XKR9: variants seen among roughly 807,000 people sequenced by gnomAD.
XKR9 encodes the protein XK related 9.
In XKR9, 32 loss-of-function variants were observed where a neutral mutation model predicts 32.0. The ratio of observed to expected loss-of-function variants is 1.00; its 90% CI spans 0.76 to 1.34. XKR9 has a LOEUF of 1.34. XKR9 is among the 40% of genes most tolerant of loss of function. XKR9 has a pLI of 0.00. For synonymous variants in XKR9, 168 were observed against 143.4 expected, an observed-to-expected ratio of 1.17 and a Z score of -1.22; for missense variants, 546 against 429.7, an observed-to-expected ratio of 1.27 and a Z score of -2.39.
At chr8:70,821,785 C>G in the XKR9 span, among the ~76,000 whole-genome samples, 1 of 152,232 alleles carries the variant, frequency 6.6e-6, no homozygotes, top group Non-Finnish European at 1.5e-5. Context: ...CTCGAGACTG[C>G]CCAAAACAGC....
At chr8:70,880,465 T>C in the XKR9 span, among the ~76,000 whole-genome samples, 5 of 152,192 alleles carry the variant, frequency 3.3e-5, no homozygotes, top group East Asian at 5.8e-4. Context: ...ACAAGCATTC[T>C]TATACACCAT....
At chr8:70,721,442 G>A (rs755690361) in intron 4 of XKR9, among the ~76,000 whole-genome samples, 3 of 152,144 alleles carry the variant, frequency 2.0e-5, no homozygotes, top group Non-Finnish European at 4.4e-5. Flanking sequence ...AGCATTTAGT[G>A]CTATCAATTT....
At chr8:70,824,774 G>C in the XKR9 span, among the ~76,000 whole-genome samples, 1 of 152,020 alleles carries the variant, frequency 6.6e-6, no homozygotes, top group Non-Finnish European at 1.5e-5. Context: ...ATGATTACAT[G>C]AAGCAAGCTA....
At chr8:70,844,624 C>T in the XKR9 span, among the ~76,000 whole-genome samples, 2 of 152,234 alleles carry the variant, frequency 1.3e-5, no homozygotes, top group Non-Finnish European at 2.9e-5. Context: ...CTACTTCTCT[C>T]AACAGTGCTT....
At chr8:70,940,168 C>A in the XKR9 span, among the ~76,000 whole-genome samples, 4,370 of 152,072 alleles carry the variant, frequency 0.029, 185 homozygotes, top group African/African-American at 0.1. Context: ...ATCTTTTCCT[C>A]CTTACCCCCA....
At chr8:70,771,840 C>T (rs1458127969) in intron 2 of XKR9, among the ~76,000 whole-genome samples, 1 of 152,034 alleles carries the variant, frequency 6.6e-6, no homozygotes, top group Non-Finnish European at 1.5e-5. Context: ...CCTGTTGTAG[C>T]ATGAATCTTT....
At chr8:70,957,368 T>C in the XKR9 span, among the ~76,000 whole-genome samples, 4 of 152,192 alleles carry the variant, frequency 2.6e-5, no homozygotes, top group Admixed American at 1.3e-4. Flanking sequence ...AGTTAATCTT[T>C]TTTTTAATTT....
the XKR9 span, among the ~76,000 whole-genome samples, chr8:70,873,821 G>C: frequency 6.6e-6 from 1 of 152,232 alleles, no homozygotes; most frequent in Non-Finnish European, 1.5e-5. Flanking sequence ...AAGTTCTATT[G>C]TGTATAAAAT....
the XKR9 span, among the ~76,000 whole-genome samples, chr8:71,005,460 G>C: frequency 6.6e-6 from 1 of 151,978 alleles, no homozygotes; most frequent in African/African-American, 2.4e-5. Flanking sequence ...CTGACCTCAG[G>C]TGATTCACCT....
chr8:70,863,935 A>T, the XKR9 span, among the ~76,000 whole-genome samples: 9 of 152,278 alleles, frequency 5.9e-5, 1 homozygote, highest in Middle Eastern at 0.02. Flanking sequence ...ATGCCTTTTT[A>T]TGCTCTCATA....
intron 2 of XKR9, among the ~76,000 whole-genome samples, chr8:70,767,764 G>A (rs1274222915): frequency 6.6e-6 from 1 of 151,942 alleles, no homozygotes; most frequent in Non-Finnish European, 1.5e-5. Context: ...GCCTCCCAAA[G>A]TGCTGGGATT....
At chr8:70,862,875 C>T in the XKR9 span, among the ~76,000 whole-genome samples, 2 of 152,092 alleles carry the variant, frequency 1.3e-5, no homozygotes, top group Non-Finnish European at 2.9e-5. Flanking sequence ...TCTGTGTACT[C>T]AGGCCAAGGA....
the XKR9 span, among the ~76,000 whole-genome samples, chr8:70,811,048 C>T: frequency 2.6e-5 from 4 of 152,294 alleles, no homozygotes; most frequent in South Asian, 8.3e-4. Context: ...AAGTAAAGCA[C>T]TCCTCACCAA....
chr8:71,025,410 A>C, the XKR9 span, among the ~76,000 whole-genome samples: 11 of 152,376 alleles, frequency 7.2e-5, no homozygotes, highest in South Asian at 2.1e-3. Flanking sequence ...TTCTCATGAC[A>C]CTTTAAACTA....
the XKR9 span, among the ~76,000 whole-genome samples, chr8:70,898,269 T>C: frequency 6.6e-6 from 1 of 152,220 alleles, no homozygotes; most frequent in Admixed American, 6.5e-5. Context: ...TTTTATTCCA[T>C]TGATCGATGT....
the XKR9 span, among the ~76,000 whole-genome samples, chr8:70,978,288 T>G: frequency 6.6e-6 from 1 of 152,210 alleles, no homozygotes; most frequent in African/African-American, 2.4e-5. Context: ...TGATGTTAGC[T>G]GGTTATTTTG....
At chr8:70,846,187 G>A in the XKR9 span, among the ~76,000 whole-genome samples, 1 of 152,082 alleles carries the variant, frequency 6.6e-6, no homozygotes, top group Admixed American at 6.5e-5. Flanking sequence ...CCAAGAAAGA[G>A]TACCTTACTT....
the XKR9 span, among the ~76,000 whole-genome samples, chr8:70,897,816 G>T: frequency 6.6e-6 from 1 of 152,190 alleles, no homozygotes; most frequent in Admixed American, 6.5e-5. Flanking sequence ...CCCATTCCGT[G>T]GGTTATCTCT....
chr8:70,757,000 G>A (rs1807236387), intron 2 of XKR9, among the ~76,000 whole-genome samples: 1 of 152,066 alleles, frequency 6.6e-6, no homozygotes, highest in Admixed American at 6.5e-5. Context: ...CTCTTTATTA[G>A]GTTGAGGAAA....
Sources: allele counts gnomAD v4.1 joint callset (sites outside exome capture counted in the v4.1 genomes callset), GRCh38; gene constraint gnomAD v4.1.1; transcripts MANE v1.5; gene names NCBI Gene and HGNC (gene_info 2026-07-23, HGNC 2026-07-21).